FAM120AOS: variants seen among roughly 807,000 people sequenced by gnomAD.
FAM120AOS encodes the protein family with sequence similarity 120 member A opposite strand, also known as uncharacterized protein FAM120AOS.
Under a neutral mutation model 20.2 loss-of-function variants are expected in FAM120AOS, and 15 were observed. The ratio of observed to expected loss-of-function variants is 0.74; its 90% confidence interval spans 0.50 to 1.15. The LOEUF is 1.15. Among genes scored for constraint, FAM120AOS ranks in the 50% most tolerant of loss-of-function variants. The pLI is 0.00. For synonymous variants in FAM120AOS, 154 were observed against 154.0 expected, an observed-to-expected ratio of 1.00 and a Z score of 0.00; for missense variants, 327 against 351.9, an observed-to-expected ratio of 0.93 and a Z score of 0.57.
At position 93,445,569 on chromosome 9, in the gene FAM120AOS, T is replaced by G. The variant is rs997084827; in HGVS notation, c.*2042A>C. On this transcript the variant is annotated 3_prime_UTR_variant, in exon 3 of 3. Transcript: ENST00000375412. ...AGTCTTAATCCTGGTTCTCCAACTT[T>G]CATAAAAATCGTTGTTTTTTTTTTT... 6.7e-6 allele frequency among the ~76,000 whole-genome samples: 1 copy of G among 149,190 alleles called. No individual in the cohort carries two copies. Among genetic ancestry groups the G allele is most frequent in the Non-Finnish European group, 1.5e-5 (1 of 67,490 alleles).
chr9:93,445,580 G>GTT lies in FAM120AOS; in HGVS notation c.*2029_*2030dup, dbSNP rs749645011. Among the ~76,000 whole-genome samples the GTT allele has an allele frequency of 0.01, 1,103 of 106,150 alleles. 28 individuals carry two copies. Among genetic ancestry groups the GTT allele is most frequent in the African/African-American group, 0.015 (426 of 28,118 alleles). 69.6% of individuals were successfully genotyped at this position (106,150 alleles called of 152,430 possible). On this transcript the variant is annotated 3_prime_UTR_variant, in exon 3 of 3. Transcript: ENST00000375412. Reference sequence around the variant, plus strand: ...TGGTTCTCCAACTTTCATAAAAATCGTTGTTTTTTTTTTTTTTTTTTTTTT... The same window carrying GTT: ...TGGTTCTCCAACTTTCATAAAAATCGTTTTGTTTTTTTTTTTTTTTTTTTTTT...
rs1312318719 is a variant in FAM120AOS at position 93,446,181 on chromosome 9, C to T, written c.*1430G>A. On this transcript the variant is annotated 3_prime_UTR_variant, in exon 3 of 3. Transcript: ENST00000375412. ...TTCCTGGAGCTCTCGTCAACCCTGA[C>T]CTCTTCCTTTGTCAGCAAGGTCAAA... is the stretch of plus-strand genomic sequence containing the variant. Among the ~76,000 whole-genome samples, 1 of 152,198 alleles carries T rather than the reference C, an allele frequency of 6.6e-6. No homozygotes were observed. Among genetic ancestry groups the T allele is most frequent in the Non-Finnish European group, 1.5e-5 (1 of 68,036 alleles).
At chr9:93,451,927 G>A in intron 1 of FAM120AOS, 1 of 1,471,196 alleles carries the variant, frequency 6.8e-7, no homozygotes, top group Non-Finnish European at 8.9e-7. Flanking sequence ...TGGGCGTGCA[G>A]GGCTTCCAGG....
chr9:93,450,393 A>G (rs1437079080), intron 2 of FAM120AOS, 86 bp downstream of exon 2: 4 of 1,487,186 alleles, frequency 2.7e-6, no homozygotes, highest in Non-Finnish European at 3.6e-6. Flanking sequence ...TTCCTAAAAT[A>G]CCAGCAGCAT....
intron 1 of FAM120AOS, chr9:93,451,132 G>A (rs1028039037): frequency 3.2e-5 from 49 of 1,550,456 alleles, no homozygotes; most frequent in Non-Finnish European, 4.2e-5. Flanking sequence ...CTCTTTCCAA[G>A]AAGCCAGGCG....
At chr9:93,449,155 C>T (rs1312599886) in intron 2 of FAM120AOS, among the ~76,000 whole-genome samples, 1 of 151,034 alleles carries the variant, frequency 6.6e-6, no homozygotes, top group Admixed American at 6.6e-5. Flanking sequence ...TTAAACTTTC[C>T]AAAAGTACAA....
rs1856798321 is a variant in FAM120AOS at position 93,444,951 on chromosome 9, G to A, written c.*2660C>T. Reference sequence around the variant, plus strand: ...CTTAAGAGAATCTTTGTGAGAAGATGTAGATATTGGCTTCATAATAATAAA... The same window carrying A: ...CTTAAGAGAATCTTTGTGAGAAGATATAGATATTGGCTTCATAATAATAAA... On this transcript the variant is annotated 3_prime_UTR_variant, in exon 3 of 3. Coordinates refer to ENST00000375412, the MANE Select transcript of FAM120AOS (RefSeq NM_198841.4). Among the ~76,000 whole-genome samples the A allele has an allele frequency of 6.6e-6, 1 of 152,168 alleles. No individual in the cohort carries two copies. The highest frequency in any genetic ancestry group is 1.5e-5 in the Non-Finnish European group (1 of 68,038).
rs986073961 is a variant in FAM120AOS, at chr9:93,451,611, C to T, written c.563+536G>A. The T allele has an allele frequency of 1.2e-4, 115 of 982,288 alleles. No individual in the cohort carries two copies. The East Asian group carries it at 2.5e-3, about 22-fold the overall frequency. 60.8% of individuals were successfully genotyped at this position (982,288 alleles called of 1,614,324 possible). A position where few individuals can be genotyped will look rare whatever the true frequency, so the allele number is the denominator to read the frequency against. On this transcript the variant is annotated intron_variant, in intron 1 of 2. Transcript: ENST00000375412. ...CCTGCTAGCCGGCGGGCCTGGGCGG[C>T]GTCCGCGCCGGGCGGGTCCGCTACG...
intron 2 of FAM120AOS, among the ~76,000 whole-genome samples, chr9:93,449,492 A>ATTTTT (rs10667664): frequency 0.05 from 5,482 of 109,368 alleles, 377 homozygotes; most frequent in Non-Finnish European, 0.065. Context: ...TGGCACTGGC[A>ATTTTT]TTTTTTTTTT....
At chr9:93,451,431 C>G in intron 1 of FAM120AOS, 1 of 1,301,736 alleles carries the variant, frequency 7.7e-7, no homozygotes. Context: ...CGGCGGCCGA[C>G]CGGCCTGAGG....
chr9:93,452,494 GC>G lies in FAM120AOS; in HGVS notation c.215del (p.Arg72ProfsTer19), dbSNP rs1320104861. 7 of 1,544,958 alleles carry G rather than the reference GC, an allele frequency of 4.5e-6. No homozygotes were observed. Among genetic ancestry groups the G allele is most frequent in the Admixed American group, 3.9e-5 (2 of 51,258 alleles). On this transcript the variant is annotated frameshift_variant, in exon 1 of 3. Coordinates refer to ENST00000375412, the MANE Select transcript of FAM120AOS (RefSeq NM_198841.4). LOFTEE classifies it high-confidence loss of function. This position sits in a 1 kb window ranked among gnomAD's most constrained non-coding sequence, Gnocchi z 7.0. ...RLSRARAGGT[R>X]CPQRRHGRAT... is the part of the protein sequence containing the mutation. ...CCCGGCCGTGGCGGCGCTGGGGGCA[GC>G]GAGTTCCCCCAGCCCTTGCCCGGGA...
Position 93,445,582 on chromosome 9 carries a change from T to TG in FAM120AOS, c.*2028dup. On this transcript the variant is annotated 3_prime_UTR_variant, in exon 3 of 3. Coordinates refer to ENST00000375412, the MANE Select transcript of FAM120AOS (RefSeq NM_198841.4). Reference sequence around the variant, plus strand: ...GTTCTCCAACTTTCATAAAAATCGTTGTTTTTTTTTTTTTTTTTTTTTTTT... The same window carrying TG: ...GTTCTCCAACTTTCATAAAAATCGTTGGTTTTTTTTTTTTTTTTTTTTTTTT... Among the ~76,000 whole-genome samples, 1 of 131,310 alleles carries TG rather than the reference T, an allele frequency of 7.6e-6. No homozygotes were observed. Among genetic ancestry groups the TG allele is most frequent in the Non-Finnish European group, 1.6e-5 (1 of 63,698 alleles). The allele number at this position is 131,310 out of a possible 152,430, so 86.1% of individuals were successfully genotyped here.
intron 1 of FAM120AOS, 193 bp downstream of exon 1, chr9:93,451,954 C>T (rs1857246984): frequency 6.5e-7 from 1 of 1,533,818 alleles, no homozygotes. Flanking sequence ...TCGAGAAGCA[C>T]TGCCCGAGCG....
Position 93,444,771 on chromosome 9 carries a change from C to T in FAM120AOS, c.*2840G>A, listed in dbSNP as rs1439335390. 2.0e-5 allele frequency among the ~76,000 whole-genome samples: 3 copies of T among 152,088 alleles called. No individual in the cohort carries two copies. The highest frequency in any genetic ancestry group is 2.9e-5 in the Non-Finnish European group (2 of 68,018). On this transcript the variant is annotated 3_prime_UTR_variant, in exon 3 of 3. Transcript: ENST00000375412. Reference sequence around the variant, plus strand: ...CTGGGATTACAGGCATGTGCCACCACGCCTAGCTGATTTTGTATTTTTAGT... The same window carrying T: ...CTGGGATTACAGGCATGTGCCACCATGCCTAGCTGATTTTGTATTTTTAGT...
rs1856848503 is a variant in FAM120AOS at position 93,446,504 on chromosome 9, A to G, written c.*1107T>C. ...AAAAAACTCACTTGATTTATATCACATTGTAAAATATAGTTTACTTCAAAA... is the reference window on the plus strand; with the variant it reads ...AAAAAACTCACTTGATTTATATCACGTTGTAAAATATAGTTTACTTCAAAA... On this transcript the variant is annotated 3_prime_UTR_variant, in exon 3 of 3. Transcript: ENST00000375412. 6.6e-6 allele frequency: 1 copy of G among 152,266 alleles called. No individual in the cohort carries two copies. Among genetic ancestry groups the G allele is most frequent in the Non-Finnish European group, 1.5e-5 (1 of 68,050 alleles). 9.4% of individuals were successfully genotyped at this position (152,266 alleles called of 1,614,324 possible).
At position 93,445,292 on chromosome 9, in the gene FAM120AOS, TAA is replaced by T. The variant is rs10992734; in HGVS notation, c.*2317_*2318del. Reference sequence around the variant, plus strand: ...CATCCCTGAAAGGTCTGAGAAAAAATAAAAAAAAATTGTGTATAGTTTTGGTG... The same window carrying T: ...CATCCCTGAAAGGTCTGAGAAAAAATAAAAAAATTGTGTATAGTTTTGGTG... On this transcript the variant is annotated 3_prime_UTR_variant, in exon 3 of 3. Coordinates refer to ENST00000375412, the MANE Select transcript of FAM120AOS (RefSeq NM_198841.4). Among the ~76,000 whole-genome samples the T allele has an allele frequency of 6.8e-6, 1 of 146,028 alleles. No homozygotes were observed. Among genetic ancestry groups the T allele is most frequent in the Non-Finnish European group, 1.5e-5 (1 of 65,696 alleles).
Position 93,453,427 on chromosome 9 carries a change from A to G in FAM120AOS, c.-718T>C, listed in dbSNP as rs1430432897. 25 of 985,292 alleles carry G rather than the reference A, an allele frequency of 2.5e-5. No homozygotes were observed. Among genetic ancestry groups the G allele is most frequent in the Non-Finnish European group, 3.0e-5 (25 of 829,946 alleles). 61.0% of individuals were successfully genotyped at this position (985,292 alleles called of 1,614,324 possible). On this transcript the variant is annotated 5_prime_UTR_variant, in exon 1 of 3. Coordinates refer to ENST00000375412, the MANE Select transcript of FAM120AOS (RefSeq NM_198841.4). The stretch of plus-strand genomic sequence containing the variant: ...TTTTTCATTGGTTTTCTTGAAAACA[A>G]ATTTTGGGGGCCTTTTTGTTGTCTT...
At chr9:93,450,257 G>A (rs1280101062) in intron 2 of FAM120AOS, among the ~76,000 whole-genome samples, 1 of 152,184 alleles carries the variant, frequency 6.6e-6, no homozygotes, top group Non-Finnish European at 1.5e-5. Context: ...CCAAAATGCT[G>A]GGATTACAGG....
chr9:93,447,841 T>G, intron 2 of FAM120AOS, 144 bp from the exon 3 acceptor site: 1 of 704,560 alleles, frequency 1.4e-6, no homozygotes, highest in South Asian at 2.0e-5. Context: ...ACTGGAGAGA[T>G]AGCAGAGCCT....
Sources: allele counts gnomAD v4.1 joint callset (sites outside exome capture counted in the v4.1 genomes callset), GRCh38; gene constraint gnomAD v4.1.1; non-coding constraint Gnocchi (gnomAD v3.1); transcripts MANE v1.5; gene names NCBI Gene and HGNC (gene_info 2026-07-23, HGNC 2026-07-21).